CCDC169: variants seen among roughly 807,000 people sequenced by gnomAD.
The protein encoded by CCDC169 is coiled-coil domain-containing protein 169.
CCDC169 carries 30 observed loss-of-function variants against 36.0 expected under a neutral mutation model. The ratio of observed to expected loss-of-function variants is 0.83; its 90% CI spans 0.62 to 1.13. The LOEUF is 1.13. Among genes scored for constraint, CCDC169 ranks in the 50% most tolerant of loss-of-function variants. CCDC169 has a pLI of 0.00. For missense variants in CCDC169, 245 were observed against 245.9 expected, an observed-to-expected ratio of 1.00 and a Z score of 0.03; for synonymous variants, 85 against 81.5, an observed-to-expected ratio of 1.04 and a Z score of -0.23.
intron 7 of CCDC169, among the ~76,000 whole-genome samples, chr13:36,242,332 G>A (rs1176600136): frequency 6.6e-6 from 1 of 152,156 alleles, no homozygotes; most frequent in Non-Finnish European, 1.5e-5. Flanking sequence ...TTCTGCTGAT[G>A]AGTAATGGTG....
chr13:36,238,182 A>C lies in CCDC169; in HGVS notation c.546-6890T>G, dbSNP rs141541253. On this transcript the variant is annotated intron_variant, in intron 7 of 7. Coordinates refer to ENST00000239859, the MANE Select transcript of CCDC169 (RefSeq NM_001144981.3). ...TACAGGCTTTCTTTTTGGGGTGATG[A>C]AAATGTTCTGGAATCAGTTAGTGGT... Among the ~76,000 whole-genome samples, 222 of 152,326 alleles carry C rather than the reference A, an allele frequency of 1.5e-3. 2 individuals carry two copies. Among genetic ancestry groups the C allele is most frequent in the African/African-American group, 5.2e-3 (216 of 41,576 alleles).
At chr13:36,237,049 A>T (rs1156475171) in intron 7 of CCDC169, among the ~76,000 whole-genome samples, 4 of 147,954 alleles carry the variant, frequency 2.7e-5, no homozygotes, top group Non-Finnish European at 6.0e-5. Flanking sequence ...TTGGGTTTTT[A>T]AAAATTATTT....
At chr13:36,294,828 G>A (rs970449500) in intron 2 of CCDC169, among the ~76,000 whole-genome samples, 1 of 152,004 alleles carries the variant, frequency 6.6e-6, no homozygotes, top group Non-Finnish European at 1.5e-5. Flanking sequence ...AACAGGACAG[G>A]GATTTTCACA....
intron 4 of CCDC169, among the ~76,000 whole-genome samples, chr13:36,272,330 C>A (rs1177397116): frequency 3.3e-5 from 5 of 151,764 alleles, no homozygotes; most frequent in Non-Finnish European, 7.4e-5. Flanking sequence ...TCCCATGTTT[C>A]GCAGTAATGG....
At position 36,254,085 on chromosome 13, in the gene CCDC169, T is replaced by A; in HGVS notation, c.374A>T (p.Gln125Leu). ...LEEEKKTLES[Q>L]VKYYALKLEQ... ...CAGTTTAAGTGCATAGTATTTCACT[T>A]GACTTTCAAGAGTCTTCTTTTCTTC... is the stretch of plus-strand genomic sequence containing the variant. The change falls in exon 5 of 8, where the codon CAA becomes CTA. Residue 125 changes from glutamine (Q) to leucine (L), a missense_variant. Transcript: ENST00000239859. The A allele has an allele frequency of 6.5e-7, 1 of 1,548,856 alleles. No homozygotes were observed.
rs1442152848 is a variant in CCDC169, at chr13:36,254,102, CTTT to C, written c.354_356del (p.Lys120del). The C allele has an allele frequency of 8.4e-6, 13 of 1,545,496 alleles. No individual in the cohort carries two copies. The highest frequency in any genetic ancestry group is 1.7e-6 in the Non-Finnish European group (2 of 1,145,250). ...ATTTCACTTGACTTTCAAGAGTCTT[CTTT>C]TCTTCTTCTAGCTGTTTAAGTAATG... is the stretch of plus-strand genomic sequence containing the variant. On this transcript the variant is annotated inframe_deletion, in exon 5 of 8. Transcript: ENST00000239859.
At chr13:36,233,568 AATG>A in intron 7 of CCDC169, among the ~76,000 whole-genome samples, 1 of 152,218 alleles carries the variant, frequency 6.6e-6, no homozygotes, top group Non-Finnish European at 1.5e-5. Flanking sequence ...AAATTATGAG[AATG>A]ATGTCTCACC....
At chr13:36,297,587 G>A (rs1208270802) in intron 1 of CCDC169, 50 bp downstream of exon 1, 7 of 1,525,260 alleles carry the variant, frequency 4.6e-6, no homozygotes. Context: ...TGCAGGTGAA[G>A]GCTCGGGGGG....
At chr13:36,234,523 C>T (rs1369637133) in intron 7 of CCDC169, among the ~76,000 whole-genome samples, 1 of 152,026 alleles carries the variant, frequency 6.6e-6, no homozygotes, top group Non-Finnish European at 1.5e-5. Flanking sequence ...TATCCAGACA[C>T]ATCATAATAA....
chr13:36,266,823 G>C (rs1329359813), intron 4 of CCDC169, among the ~76,000 whole-genome samples: 1 of 152,156 alleles, frequency 6.6e-6, no homozygotes, highest in Non-Finnish European at 1.5e-5. Context: ...ATTGGGCCAG[G>C]ATCTATTGCT....
At chr13:36,234,351 A>G (rs1009823506) in intron 7 of CCDC169, among the ~76,000 whole-genome samples, 3 of 152,186 alleles carry the variant, frequency 2.0e-5, no homozygotes, top group African/African-American at 4.8e-5. Context: ...GACCTGTAAA[A>G]CACTATCAAC....
intron 4 of CCDC169, among the ~76,000 whole-genome samples, chr13:36,254,599 G>A (rs1873605998): frequency 6.6e-6 from 1 of 151,990 alleles, no homozygotes. Flanking sequence ...TTAAGTAATA[G>A]TAATAATCAC....
intron 4 of CCDC169, among the ~76,000 whole-genome samples, chr13:36,265,326 G>C (rs950456747): frequency 6.6e-6 from 1 of 152,124 alleles, no homozygotes; most frequent in African/African-American, 2.4e-5. Context: ...ATATATACAC[G>C]TTCTAGTTGA....
intron 4 of CCDC169, among the ~76,000 whole-genome samples, chr13:36,259,224 G>A (rs1212254642): frequency 6.6e-6 from 1 of 152,130 alleles, no homozygotes; most frequent in African/African-American, 2.4e-5. Context: ...CCCTGGCGAT[G>A]AGCTGAGTCA....
chr13:36,252,108 C>T (rs1402786499), intron 6 of CCDC169, among the ~76,000 whole-genome samples: 1 of 152,084 alleles, frequency 6.6e-6, no homozygotes, highest in Non-Finnish European at 1.5e-5. Context: ...GTCATGGCCC[C>T]ATAAAGAGGT....
chr13:36,229,809 C>G (rs1870225768), downstream of CCDC169, among the ~76,000 whole-genome samples: 1 of 151,972 alleles, frequency 6.6e-6, no homozygotes, highest in African/African-American at 2.4e-5. Flanking sequence ...TCCCAAAGTA[C>G]TAGGATTACA....
chr13:36,270,659 C>T (rs1875929540), intron 4 of CCDC169, among the ~76,000 whole-genome samples: 1 of 152,108 alleles, frequency 6.6e-6, no homozygotes, highest in Non-Finnish European at 1.5e-5. Context: ...CATACAAAAA[C>T]ATAACTTAGG....
chr13:36,285,935 C>T (rs1878202233), intron 2 of CCDC169, among the ~76,000 whole-genome samples: 1 of 152,196 alleles, frequency 6.6e-6, no homozygotes, highest in Admixed American at 6.5e-5. Flanking sequence ...GGAATCTGGC[C>T]ACTTGTCCAT....
intron 2 of CCDC169, among the ~76,000 whole-genome samples, chr13:36,288,510 T>A (rs1878512521): frequency 6.6e-6 from 1 of 152,172 alleles, no homozygotes; most frequent in Non-Finnish European, 1.5e-5. Context: ...TAGATAATAA[T>A]TTGATTTCTG....
Sources: allele counts gnomAD v4.1 joint callset (sites outside exome capture counted in the v4.1 genomes callset), GRCh38; gene constraint gnomAD v4.1.1; transcripts MANE v1.5; gene names NCBI Gene and HGNC (gene_info 2026-07-23, HGNC 2026-07-21).